Variants in TMEM217B observed in about 807,000 individuals in gnomAD.
TMEM217B encodes putative transmembrane protein 217B.
the TMEM217B span, among the ~76,000 whole-genome samples, chr6:37,229,673 G>A: frequency 6.6e-6 from 1 of 152,144 alleles, no homozygotes; most frequent in African/African-American, 2.4e-5. Flanking sequence ...TAGTAACTTC[G>A]TTAGATTCAT....
the TMEM217B span, among the ~76,000 whole-genome samples, chr6:37,215,570 C>CGAAAA: frequency 1.2e-4 from 9 of 72,374 alleles, no homozygotes; most frequent in African/African-American, 3.6e-4. Context: ...GACTCTGTCT[C>CGAAAA]AAAAAAAAAA....
At chr6:37,252,630 TATATA>T in the TMEM217B span, among the ~76,000 whole-genome samples, 3 of 72,964 alleles carry the variant, frequency 4.1e-5, no homozygotes, top group Non-Finnish European at 7.6e-5. Context: ...TATATATATA[TATATA>T]TATTTTTTTT....
At chr6:37,225,450 G>A in the TMEM217B span, among the ~76,000 whole-genome samples, 1 of 151,996 alleles carries the variant, frequency 6.6e-6, no homozygotes, top group South Asian at 2.1e-4. Context: ...CTATGACCTA[G>A]GATTATGAAT....
chr6:37,244,589 T>G, the TMEM217B span, among the ~76,000 whole-genome samples: 2 of 152,316 alleles, frequency 1.3e-5, no homozygotes, highest in South Asian at 2.1e-4. Context: ...AAGTGCCAAC[T>G]CTTGGCTGAT....
the TMEM217B span, among the ~76,000 whole-genome samples, chr6:37,245,009 C>T: frequency 0.16 from 24,175 of 152,122 alleles, 2,365 homozygotes; most frequent in Non-Finnish European, 0.21. Flanking sequence ...ATGGCAATGG[C>T]AGAGAGCAAC....
At chr6:37,226,893 T>C in the TMEM217B span, among the ~76,000 whole-genome samples, 1 of 152,236 alleles carries the variant, frequency 6.6e-6, no homozygotes, top group Admixed American at 6.5e-5. Flanking sequence ...TACAATTAAC[T>C]TGGTAACAAC....
the TMEM217B span, among the ~76,000 whole-genome samples, chr6:37,213,915 A>T: frequency 3.9e-5 from 6 of 152,212 alleles, no homozygotes; most frequent in Non-Finnish European, 5.9e-5. Context: ...GCACAGTCAC[A>T]CATTAGGAGA....
At chr6:37,216,122 A>C in the TMEM217B span, among the ~76,000 whole-genome samples, 1 of 152,082 alleles carries the variant, frequency 6.6e-6, no homozygotes. Context: ...TCTGTTGCCC[A>C]GGCTGCAGTG....
chr6:37,244,028 G>C, the TMEM217B span, among the ~76,000 whole-genome samples: 1 of 152,220 alleles, frequency 6.6e-6, no homozygotes, highest in African/African-American at 2.4e-5. Context: ...AACTGGGGAA[G>C]TTACAAATTT....
At chr6:37,230,471 T>G in the TMEM217B span, among the ~76,000 whole-genome samples, 1 of 152,134 alleles carries the variant, frequency 6.6e-6, no homozygotes, top group African/African-American at 2.4e-5. Context: ...AGAGGGTCTT[T>G]AAAGAGGTAA....
the TMEM217B span, among the ~76,000 whole-genome samples, chr6:37,238,856 C>A: frequency 2.6e-5 from 4 of 152,230 alleles, no homozygotes; most frequent in Admixed American, 1.3e-4. Flanking sequence ...CTAGGCTGGG[C>A]ATGGTGGCTC....
the TMEM217B span, among the ~76,000 whole-genome samples, chr6:37,249,706 G>A: frequency 5.3e-5 from 8 of 152,124 alleles, no homozygotes; most frequent in African/African-American, 1.9e-4. Flanking sequence ...CTTCCCTTAG[G>A]ATCTGACTTT....
the TMEM217B span, among the ~76,000 whole-genome samples, chr6:37,220,503 TG>T: frequency 6.6e-6 from 1 of 151,586 alleles, no homozygotes; most frequent in African/African-American, 2.4e-5. Flanking sequence ...ACTGAGCAGG[TG>T]GGGAGAAAAC....
chr6:37,218,485 TA>T, the TMEM217B span: 2 of 1,614,070 alleles, frequency 1.2e-6, no homozygotes, highest in Non-Finnish European at 1.7e-6. Flanking sequence ...TCGAAATTGA[TA>T]ATCTTTTATT....
the TMEM217B span, among the ~76,000 whole-genome samples, chr6:37,247,613 C>T: frequency 4.6e-5 from 7 of 152,086 alleles, no homozygotes; most frequent in African/African-American, 9.7e-5. Flanking sequence ...GTCTCGATCT[C>T]CTGACCTCGT....
chr6:37,241,700 A>G, the TMEM217B span, among the ~76,000 whole-genome samples: 1 of 152,234 alleles, frequency 6.6e-6, no homozygotes, highest in Non-Finnish European at 1.5e-5. Flanking sequence ...GGCAATATCC[A>G]GGCCAATTTA....
the TMEM217B span, chr6:37,212,605 T>A: frequency 8.2e-6 from 4 of 487,462 alleles, no homozygotes; most frequent in South Asian, 6.2e-5. Flanking sequence ...GAAGATCCAG[T>A]GCAAATAACT....
the TMEM217B span, among the ~76,000 whole-genome samples, chr6:37,249,410 T>G: frequency 6.6e-6 from 1 of 152,074 alleles, no homozygotes; most frequent in African/African-American, 2.4e-5. Context: ...ACCTCCACTT[T>G]CCAGGTTCAA....
the TMEM217B span, among the ~76,000 whole-genome samples, chr6:37,230,324 G>A: frequency 1.1e-4 from 16 of 152,096 alleles, no homozygotes; most frequent in South Asian, 2.1e-4. Context: ...TCCCTTTTGC[G>A]TACTCACAGG....
Sources: allele counts gnomAD v4.1 joint callset (sites outside exome capture counted in the v4.1 genomes callset), GRCh38; gene constraint gnomAD v4.1.1; transcripts MANE v1.5; gene names NCBI Gene and HGNC (gene_info 2026-07-23, HGNC 2026-07-21).